Variants in TTLL11 observed in about 807,000 individuals in gnomAD.
TTLL11 encodes tubulin polyglutamylase TTLL11.
TTLL11 carries 42 observed loss-of-function variants against 51.7 expected under a neutral mutation model. The observed-to-expected ratio is 0.81, with a 90% CI of 0.64 to 1.05. The LOEUF (loss-of-function observed/expected upper bound fraction) is 1.05. Among genes scored for constraint, TTLL11 ranks in the 50% least tolerant of loss-of-function variants. TTLL11 has a pLI of 0.00. For synonymous variants in TTLL11, 381 were observed against 383.5 expected, an observed-to-expected ratio of 0.99 and a Z score of 0.08; for missense variants, 799 against 940.4, an observed-to-expected ratio of 0.85 and a Z score of 1.97.
intron 6 of TTLL11, among the ~76,000 whole-genome samples, chr9:121,937,022 TC>T (rs1210372383): frequency 1.3e-5 from 2 of 152,230 alleles, no homozygotes; most frequent in African/African-American, 2.4e-5. Context: ...GTTTAAACCA[TC>T]CCAGAAAATG....
At chr9:121,984,629 C>G (rs1224769289) in intron 4 of TTLL11, among the ~76,000 whole-genome samples, 2 of 152,030 alleles carry the variant, frequency 1.3e-5, no homozygotes, top group East Asian at 3.9e-4. Flanking sequence ...GGGTGACTGG[C>G]TGAAGGGTAA....
At chr9:121,867,428 A>G (rs1838212802) in intron 7 of TTLL11, among the ~76,000 whole-genome samples, 1 of 152,012 alleles carries the variant, frequency 6.6e-6, no homozygotes. Flanking sequence ...TTCCTGCCTA[A>G]CCTGTAGGCA....
At chr9:121,858,026 C>G (rs1346949731) in intron 8 of TTLL11, among the ~76,000 whole-genome samples, 8 of 152,150 alleles carry the variant, frequency 5.3e-5, no homozygotes, top group Non-Finnish European at 1.0e-4. Flanking sequence ...TCTTTGCTTT[C>G]TGAAGGTGTC....
At position 121,822,776 on chromosome 9, in the gene TTLL11, G is replaced by T. The variant is rs766983167; in HGVS notation, c.1944C>A (p.Cys648Ter). Residue 648 changes from cysteine to a stop codon, truncating the protein, a stop_gained, in exon 9 of 9, where the codon TGC becomes TGA. Transcript: ENST00000321582. LOFTEE classifies it low-confidence loss of function (END_TRUNC). This position sits in a 1 kb window ranked among gnomAD's most constrained non-coding sequence, Gnocchi z 5.8. ...CATCCAGCAGGGACAGGTGGTACTC[G>T]CAAAGGTCAATCAGTGAGGCCACCT... ...HEQVASLIDLCEYHLSLLDEK... is the reference protein window; with the variant it reads ...HEQVASLIDL 2.1e-5 allele frequency: 33 copies of T among 1,551,706 alleles called. No individual in the cohort carries two copies. The highest frequency in any genetic ancestry group is 2.9e-5 in the Non-Finnish European group (33 of 1,146,992).
chr9:121,956,403 A>G (rs1408957606), intron 6 of TTLL11, among the ~76,000 whole-genome samples: 1 of 152,260 alleles, frequency 6.6e-6, no homozygotes, highest in Non-Finnish European at 1.5e-5. Flanking sequence ...ATTCCTAAAA[A>G]TGTGAATTTA....
chr9:122,072,243 T>G (rs761268064), intron 1 of TTLL11, among the ~76,000 whole-genome samples: 3 of 152,120 alleles, frequency 2.0e-5, no homozygotes, highest in Non-Finnish European at 4.4e-5. Context: ...AATGGCTCCC[T>G]AGAGCTCTCT....
chr9:121,959,559 G>T (rs1162104503), intron 6 of TTLL11, among the ~76,000 whole-genome samples: 2 of 151,930 alleles, frequency 1.3e-5, no homozygotes, highest in African/African-American at 4.8e-5. Flanking sequence ...CCATCACCAA[G>T]CCCTGTCCAT....
chr9:122,063,701 G>T (rs537871725), intron 1 of TTLL11, among the ~76,000 whole-genome samples: 1 of 152,194 alleles, frequency 6.6e-6, no homozygotes, highest in Non-Finnish European at 1.5e-5. Flanking sequence ...TTAATTCACT[G>T]TTGCTCCAAT....
At chr9:122,075,515 C>T (rs1216955241) in intron 1 of TTLL11, among the ~76,000 whole-genome samples, 1 of 152,226 alleles carries the variant, frequency 6.6e-6, no homozygotes, top group Non-Finnish European at 1.5e-5. Context: ...ACAGCAGGAA[C>T]CACTTGCCTC....
At chr9:122,062,173 T>C (rs979637566) in intron 1 of TTLL11, among the ~76,000 whole-genome samples, 1 of 152,066 alleles carries the variant, frequency 6.6e-6, no homozygotes, top group East Asian at 1.9e-4. Flanking sequence ...TACCTCAGAG[T>C]GCACTGAGGG....
intron 1 of TTLL11, among the ~76,000 whole-genome samples, chr9:122,053,875 G>T (rs1461969867): frequency 1.3e-5 from 2 of 152,114 alleles, no homozygotes; most frequent in Non-Finnish European, 2.9e-5. Context: ...GATAACTAGC[G>T]CTCTGAAGAG....
Position 121,882,306 on chromosome 9 carries a change from G to A in TTLL11, c.1482-11558C>T, listed in dbSNP as rs7868899. 1.8e-3 allele frequency among the ~76,000 whole-genome samples: 271 copies of A among 152,254 alleles called. 3 individuals are homozygous for A. Among genetic ancestry groups the A allele is most frequent in the African/African-American group, 6.1e-3 (253 of 41,554 alleles). ...AGTCAGCGCCCTGGCCTGGCAGAGC[G>A]TGACCTAGAGGAAGTCTTTCCATGT... On this transcript the variant is annotated intron_variant, in intron 6 of 8. Transcript: ENST00000321582.
chr9:121,979,934 T>C (rs910642397), intron 4 of TTLL11, among the ~76,000 whole-genome samples: 27 of 151,764 alleles, frequency 1.8e-4, no homozygotes, highest in Admixed American at 1.8e-3. Flanking sequence ...TCTGCCTTCA[T>C]ACTTTTCTGC....
intron 6 of TTLL11, among the ~76,000 whole-genome samples, chr9:121,910,005 T>G (rs1015982894): frequency 6.6e-6 from 1 of 152,154 alleles, no homozygotes; most frequent in Non-Finnish European, 1.5e-5. Flanking sequence ...TTTTCCCCCA[T>G]AACCTCGCTG....
At chr9:122,036,502 A>T (rs1687985671) in intron 2 of TTLL11, among the ~76,000 whole-genome samples, 1 of 151,908 alleles carries the variant, frequency 6.6e-6, no homozygotes, top group Admixed American at 6.5e-5. Flanking sequence ...GACGTATCTA[A>T]ATCAGATTAT....
Position 122,092,971 on chromosome 9 carries a change from G to A in TTLL11, c.178C>T (p.Pro60Ser). The A allele has an allele frequency of 6.4e-7, 1 of 1,574,588 alleles. No individual in the cohort carries two copies. Among genetic ancestry groups the A allele is most frequent in the Non-Finnish European group, 8.6e-7 (1 of 1,169,082 alleles). The change falls in exon 1 of 9, where the codon CCC (proline) becomes TCC (serine). Residue 60 changes from proline (P) to serine (S), a missense_variant. Coordinates refer to ENST00000321582, the MANE Select transcript of TTLL11 (RefSeq NM_001139442.2). ...GCCGGGGCCGGGGCCAGGACCTTGG[G>A]CTGCTCCTCCCCTGCCTTGCACTCC... ...EPECKAGEEQ[P>S]KVLAPAPAQP...
At chr9:121,895,949 GGTGTGGGT>G (rs1399050846) in intron 6 of TTLL11, among the ~76,000 whole-genome samples, 1 of 4,370 alleles carries the variant, frequency 2.3e-4, no homozygotes, top group African/African-American at 7.4e-4. Flanking sequence ...TGTTTGTGTG[GGTGTGGGT>G]GTGTGGGTGT....
At chr9:122,061,298 T>C (rs936194111) in intron 1 of TTLL11, among the ~76,000 whole-genome samples, 3 of 152,236 alleles carry the variant, frequency 2.0e-5, no homozygotes, top group African/African-American at 7.2e-5. Context: ...TATTCACAGA[T>C]ACTGGTTAGG....
chr9:121,918,873 A>G (rs1474439095), intron 6 of TTLL11, among the ~76,000 whole-genome samples: 1 of 152,264 alleles, frequency 6.6e-6, no homozygotes, highest in Non-Finnish European at 1.5e-5. Context: ...ACAAAACAGT[A>G]CATACAGTAT....
Sources: gnomAD v4.1 joint callset for allele counts (sites outside exome capture counted in the v4.1 genomes callset) on GRCh38, gnomAD v4.1.1 for gene constraint, Gnocchi (gnomAD v3.1) non-coding constraint, MANE v1.5 for transcripts, NCBI Gene and HGNC (gene_info 2026-07-23, HGNC 2026-07-21) for gene names.